Variants in ZFPM2 observed in about 807,000 individuals in gnomAD.
ZFPM2 encodes the protein zinc finger protein, FOG family member 2, also known as zinc finger protein ZFPM2.
Under a neutral mutation model 98.6 loss-of-function variants are expected in ZFPM2, and 20 were observed. The ratio of observed to expected loss-of-function variants is 0.20; its 90% CI spans 0.14 to 0.29. The LOEUF is 0.29. ZFPM2 is among the 10% of genes least tolerant of loss of function. The pLI is 1.00. For synonymous variants in ZFPM2, 518 were observed against 502.7 expected (o/e 1.03, Z -0.41); for missense variants, 1,310 against 1,388.6 (o/e 0.94, Z 0.90).
chr8:105,492,654 A>T (rs1179145212), intron 3 of ZFPM2, among the ~76,000 whole-genome samples: 2 of 152,184 alleles, frequency 1.3e-5, no homozygotes, highest in African/African-American at 2.4e-5. Flanking sequence ...TGCTCAGCTC[A>T]AGGAAGTAAT....
intron 3 of ZFPM2, among the ~76,000 whole-genome samples, chr8:105,545,842 T>C (rs1483195697): frequency 6.6e-6 from 1 of 151,494 alleles, no homozygotes; most frequent in Non-Finnish European, 1.5e-5. Flanking sequence ...TGTGCAAGTA[T>C]TTTTTTTTAC....
chr8:105,714,301 G>A (rs2130983568), intron 5 of ZFPM2, among the ~76,000 whole-genome samples: 1 of 152,096 alleles, frequency 6.6e-6, no homozygotes, highest in East Asian at 1.9e-4. Flanking sequence ...CTACTGATTT[G>A]TGTACATTGT....
chr8:105,801,345 C>T lies in ZFPM2; in HGVS notation c.1263C>T (p.Pro421=). Residue 421 remains proline, a synonymous_variant, in exon 8 of 8, where the codon CCC becomes CCT. Coordinates refer to ENST00000407775, the MANE Select transcript of ZFPM2 (RefSeq NM_012082.4). ...ATDLLTRSEL[P]QSQKAMQTKD... ...ACTTATTGACCAGAAGCGAACTTCC[C>T]CAGAGCCAAAAGGCCATGCAGACTA... The T allele has an allele frequency of 6.2e-7, 1 of 1,613,878 alleles. No individual in the cohort carries two copies. The highest frequency in any genetic ancestry group is 1.1e-5 in the South Asian group (1 of 91,074).
chr8:105,648,354 T>C (rs1265239845), intron 5 of ZFPM2, among the ~76,000 whole-genome samples: 1 of 152,222 alleles, frequency 6.6e-6, no homozygotes, highest in Non-Finnish European at 1.5e-5. Flanking sequence ...TAGTAGTTTC[T>C]TTTGTTGTGC....
chr8:105,750,453 T>G (rs1372911909), intron 5 of ZFPM2, among the ~76,000 whole-genome samples: 1 of 152,016 alleles, frequency 6.6e-6, no homozygotes, highest in Non-Finnish European at 1.5e-5. Flanking sequence ...GTAGGTGAAA[T>G]TGGGTTCTAC....
At chr8:105,687,734 A>T (rs1174293721) in intron 5 of ZFPM2, among the ~76,000 whole-genome samples, 2 of 152,140 alleles carry the variant, frequency 1.3e-5, no homozygotes, top group Non-Finnish European at 2.9e-5. Flanking sequence ...AAAAAATTAG[A>T]TCCTGAACTT....
In ZFPM2 at chr8:105,802,633, C is replaced by T. The variant is rs1434633598; in HGVS notation, c.2551C>T (p.Leu851=). ...ERTTTSPKRL[L]DYHECTVCKI... is the part of the protein sequence containing the mutation. The stretch of plus-strand genomic sequence containing the variant: ...GACGACCACGTCTCCCAAAAGGCTG[C>T]TGGACTATCACGAGTGCACTGTGTG... The change falls in exon 8 of 8, where the codon CTG becomes TTG. Residue 851 remains leucine (L), a synonymous_variant. Transcript: ENST00000407775. The T allele has an allele frequency of 1.9e-6, 3 of 1,610,812 alleles. No individual in the cohort carries two copies. The highest frequency in any genetic ancestry group is 2.5e-6 in the Non-Finnish European group (3 of 1,178,562).
chr8:105,409,832 A>G (rs1361286920), intron 1 of ZFPM2, among the ~76,000 whole-genome samples: 3 of 151,694 alleles, frequency 2.0e-5, no homozygotes, highest in Non-Finnish European at 4.4e-5. Flanking sequence ...TCCATTTCTA[A>G]TTTGCCTTTC....
intron 5 of ZFPM2, among the ~76,000 whole-genome samples, chr8:105,746,149 G>A (rs1485313232): frequency 6.6e-6 from 1 of 151,708 alleles, no homozygotes; most frequent in African/African-American, 2.4e-5. Context: ...CCTTTGGAGT[G>A]TCTGGGTAAA....
chr8:105,529,110 A>C (rs2130575305), intron 3 of ZFPM2: 1 of 152,242 alleles, frequency 6.6e-6, no homozygotes, highest in Non-Finnish European at 1.5e-5. Flanking sequence ...GGGTTGATTT[A>C]TCCTGAAGTC....
At chr8:105,653,615 G>A (rs1276098441) in intron 5 of ZFPM2, among the ~76,000 whole-genome samples, 1 of 152,246 alleles carries the variant, frequency 6.6e-6, no homozygotes, top group African/African-American at 2.4e-5. Flanking sequence ...GCACATTCAA[G>A]TCTGAGAAGC....
intron 1 of ZFPM2, among the ~76,000 whole-genome samples, chr8:105,347,208 TATTC>T (rs1812555339): frequency 6.6e-6 from 1 of 151,044 alleles, no homozygotes; most frequent in African/African-American, 2.4e-5. Context: ...TTTCAGAAAG[TATTC>T]AATCTAAGCG....
chr8:105,664,346 T>C (rs1172268538), intron 5 of ZFPM2, among the ~76,000 whole-genome samples: 1 of 151,802 alleles, frequency 6.6e-6, no homozygotes, highest in Non-Finnish European at 1.5e-5. Context: ...TGTGTGTGTG[T>C]GTGTGTGTGT....
intron 3 of ZFPM2, among the ~76,000 whole-genome samples, chr8:105,517,707 C>CCACACACACACACACACACACA (rs1554613621): frequency 8.0e-5 from 10 of 124,890 alleles, no homozygotes; most frequent in Non-Finnish European, 1.1e-4. Flanking sequence ...CACACACACA[C>CCACACACACACACACACACACA]CACACACACA....
At chr8:105,349,993 A>G (rs35033904) in intron 1 of ZFPM2, among the ~76,000 whole-genome samples, 17,306 of 152,258 alleles carry the variant, frequency 0.11, 1,180 homozygotes, top group Non-Finnish European at 0.15. Flanking sequence ...TAACACTGAA[A>G]TGACTCAATT....
chr8:105,346,665 T>A (rs1413233720), intron 1 of ZFPM2, among the ~76,000 whole-genome samples: 2 of 152,222 alleles, frequency 1.3e-5, no homozygotes, highest in African/African-American at 4.8e-5. Context: ...TTTTCTTACA[T>A]TATTTACCTG....
At chr8:105,712,710 G>A (rs190575468) in intron 5 of ZFPM2, among the ~76,000 whole-genome samples, 8 of 151,902 alleles carry the variant, frequency 5.3e-5, no homozygotes. Flanking sequence ...ACCTTTCCCT[G>A]CACTCTCCTT....
chr8:105,460,227 C>A (rs1323709589), intron 3 of ZFPM2, among the ~76,000 whole-genome samples: 1 of 152,152 alleles, frequency 6.6e-6, no homozygotes, highest in African/African-American at 2.4e-5. Context: ...ACATAGCAAG[C>A]AAAGCTGGGA....
At chr8:105,596,025 CA>C (rs1563735833) in intron 4 of ZFPM2, among the ~76,000 whole-genome samples, 1 of 138,008 alleles carries the variant, frequency 7.2e-6, no homozygotes, top group Non-Finnish European at 1.6e-5. Context: ...AAACCAACAA[CA>C]AAAAAAGAAG....
Sources: allele counts gnomAD v4.1 joint callset (sites outside exome capture counted in the v4.1 genomes callset), GRCh38; gene constraint gnomAD v4.1.1; transcripts MANE v1.5; gene names NCBI Gene and HGNC (gene_info 2026-07-23, HGNC 2026-07-21).